CFAP20DC: variants seen among roughly 807,000 people sequenced by gnomAD.
CFAP20DC encodes the protein CFAP20 domain containing.
In CFAP20DC, 84 loss-of-function variants were observed where a neutral mutation model predicts 101.7. That is an observed-to-expected ratio of 0.83 (90% CI 0.69 to 0.99). The LOEUF (loss-of-function observed/expected upper bound fraction) is 0.99, where lower values mean the gene tolerates loss of function less well. Ranked by LOEUF, CFAP20DC falls within the 50% of genes least tolerant of loss-of-function variation. The pLI, the probability that CFAP20DC is intolerant of heterozygous loss-of-function variation, is 0.00. For synonymous variants in CFAP20DC, 359 were observed against 351.2 expected (o/e 1.02, Z -0.25); for missense variants, 1,007 against 970.3 (o/e 1.04, Z -0.50).
intron 15 of CFAP20DC, among the ~76,000 whole-genome samples, chr3:58,771,753 G>C (rs1327273181): frequency 6.6e-6 from 1 of 152,066 alleles, no homozygotes; most frequent in African/African-American, 2.4e-5. Context: ...AACAATCCCT[G>C]TCTTCCATTA....
At chr3:58,862,768 A>G (rs2079356071) in intron 12 of CFAP20DC, 1 of 977,428 alleles carries the variant, frequency 1.0e-6, no homozygotes, top group South Asian at 4.7e-5. Flanking sequence ...CACTAACCCT[A>G]AAGTTGTTCG....
chr3:58,822,220 CAT>C, intron 14 of CFAP20DC, among the ~76,000 whole-genome samples: 1 of 148,980 alleles, frequency 6.7e-6, no homozygotes, highest in African/African-American at 2.5e-5. Flanking sequence ...GGGTGCAGCA[CAT>C]CAGCATGGCA....
intron 7 of CFAP20DC, among the ~76,000 whole-genome samples, chr3:58,875,579 A>G (rs2080680187): frequency 6.6e-6 from 1 of 152,130 alleles, no homozygotes; most frequent in Admixed American, 6.5e-5. Flanking sequence ...TTCTGTTCAA[A>G]TATTTTACAA....
chr3:59,001,038 T>TA lies in CFAP20DC; in HGVS notation c.278+38518dup, dbSNP rs200552144. 2.0e-5 allele frequency among the ~76,000 whole-genome samples: 3 copies of TA among 151,504 alleles called. No homozygotes were observed. Among genetic ancestry groups the TA allele is most frequent in the Non-Finnish European group, 1.5e-5 (1 of 67,852 alleles). ...ATTAACTTATTAATTCCAAGAAGCT[T>TA]AAAAAAAATTAAATGTTACTAAAAT... On this transcript the variant is annotated intron_variant, in intron 4 of 16. Transcript: ENST00000482387. The surrounding 1 kb of genome is among the most constrained non-coding windows in gnomAD (Gnocchi z 4.5).
intron 6 of CFAP20DC, among the ~76,000 whole-genome samples, chr3:58,895,987 C>T (rs2082640632): frequency 6.6e-6 from 1 of 152,166 alleles, no homozygotes; most frequent in Non-Finnish European, 1.5e-5. Context: ...TACCTCCTAC[C>T]AGATCCATCC....
chr3:58,890,762 A>C (rs1346555094), intron 6 of CFAP20DC, among the ~76,000 whole-genome samples: 1 of 149,220 alleles, frequency 6.7e-6, no homozygotes, highest in African/African-American at 2.5e-5. Flanking sequence ...GCGGCCGGGC[A>C]GAGGCGCTCC....
At chr3:59,037,961 T>C (rs554458264) in intron 4 of CFAP20DC, among the ~76,000 whole-genome samples, 6 of 152,138 alleles carry the variant, frequency 3.9e-5, no homozygotes, top group Non-Finnish European at 5.9e-5. Flanking sequence ...AGAGGATGAG[T>C]TCATGTCCTT....
chr3:59,007,625 C>T lies in CFAP20DC; in HGVS notation c.278+31932G>A, dbSNP rs954584949. 6.6e-6 allele frequency among the ~76,000 whole-genome samples: 1 copy of T among 152,210 alleles called. No homozygotes were observed. The highest frequency in any genetic ancestry group is 6.5e-5 in the Admixed American group (1 of 15,290). Reference sequence around the variant, plus strand: ...TCACAGAGCCTACATCACTGCCGTGCTACCTCCACCAGAGCAGGTGCTGGT... The same window carrying T: ...TCACAGAGCCTACATCACTGCCGTGTTACCTCCACCAGAGCAGGTGCTGGT... On this transcript the variant is annotated intron_variant, in intron 4 of 16. Coordinates refer to ENST00000482387, the MANE Select transcript of CFAP20DC (RefSeq NM_001394063.1). This position sits in a 1 kb window ranked among gnomAD's most constrained non-coding sequence, Gnocchi z 4.4.
At chr3:58,879,345 T>A (rs2081044752) in intron 7 of CFAP20DC, among the ~76,000 whole-genome samples, 1 of 152,204 alleles carries the variant, frequency 6.6e-6, no homozygotes, top group African/African-American at 2.4e-5. Context: ...AAAGGGTGAT[T>A]ATGATGGTAT....
At chr3:58,930,672 T>C (rs949745279) in intron 5 of CFAP20DC, among the ~76,000 whole-genome samples, 8 of 152,228 alleles carry the variant, frequency 5.3e-5, no homozygotes, top group Non-Finnish European at 1.0e-4. Flanking sequence ...CCTCAAAATA[T>C]TGTTTTGTTT....
Position 58,835,955 on chromosome 3 carries a change from T to A in CFAP20DC, c.1972-4066A>T, listed in dbSNP as rs2076708424. Among the ~76,000 whole-genome samples, 2 of 152,192 alleles carry A rather than the reference T, an allele frequency of 1.3e-5. 1 individual carries two copies. The highest frequency in any genetic ancestry group is 4.8e-5 in the African/African-American group (2 of 41,438). ...AAATGTTATGTATAATTCAATTTCATCTCAAAATATCCTTGTAGGAAAGAG... is the reference window on the plus strand; with the variant it reads ...AAATGTTATGTATAATTCAATTTCAACTCAAAATATCCTTGTAGGAAAGAG... On this transcript the variant is annotated intron_variant, in intron 13 of 16. Coordinates refer to ENST00000482387, the MANE Select transcript of CFAP20DC (RefSeq NM_001394063.1).
At chr3:58,888,890 C>T (rs376461504) in intron 6 of CFAP20DC, among the ~76,000 whole-genome samples, 195 of 152,252 alleles carry the variant, frequency 1.3e-3, no homozygotes, top group African/African-American at 4.4e-3. Flanking sequence ...GGAATCACCA[C>T]GCTGTCTTCC....
chr3:58,778,959 G>A (rs1372158884), intron 15 of CFAP20DC, among the ~76,000 whole-genome samples: 1 of 152,126 alleles, frequency 6.6e-6, no homozygotes, highest in African/African-American at 2.4e-5. Context: ...ACATATTCAG[G>A]AAAAATTTCT....
At chr3:58,726,465 T>C (rs1204792758) in intron 3 of CFAP20DC, 1 of 155,336 alleles carries the variant, frequency 6.4e-6, no homozygotes, top group Non-Finnish European at 1.4e-5. Context: ...TAAAGTGTTC[T>C]GCAGGACCTC....
intron 15 of CFAP20DC, among the ~76,000 whole-genome samples, chr3:58,758,174 T>A (rs1362428369): frequency 6.6e-6 from 1 of 152,194 alleles, no homozygotes; most frequent in South Asian, 2.1e-4. Flanking sequence ...TTTTACTTTA[T>A]GTATGTTTAA....
Position 58,893,124 on chromosome 3 carries a change from ATC to A in CFAP20DC, c.551-8417_551-8416del, listed in dbSNP as rs377279996. 3.1e-3 allele frequency among the ~76,000 whole-genome samples: 467 copies of A among 151,540 alleles called. 3 individuals are homozygous for A. The highest frequency in any genetic ancestry group is 0.011 in the African/African-American group (456 of 41,232). On this transcript the variant is annotated intron_variant, in intron 6 of 16. Coordinates refer to ENST00000482387, the MANE Select transcript of CFAP20DC (RefSeq NM_001394063.1). ...AGTGGTGCAATCTCAGCTCACTGCAATCTCTGCCTCCCGGGTTCATGCCATTC... is the reference window on the plus strand; with the variant it reads ...AGTGGTGCAATCTCAGCTCACTGCAATCTGCCTCCCGGGTTCATGCCATTC...
chr3:58,999,729 C>A (rs112569749), intron 4 of CFAP20DC, among the ~76,000 whole-genome samples: 2,972 of 151,350 alleles, frequency 0.02, 46 homozygotes, highest in Middle Eastern at 0.052. Context: ...AGTTTCAACT[C>A]TGAAAATTTA....
At chr3:58,762,864 C>G (rs546490052) in intron 15 of CFAP20DC, among the ~76,000 whole-genome samples, 2 of 152,222 alleles carry the variant, frequency 1.3e-5, no homozygotes, top group South Asian at 4.2e-4. Context: ...TGAATATTGG[C>G]CCCCACTCTC....
intron 6 of CFAP20DC, among the ~76,000 whole-genome samples, chr3:58,910,780 T>C (rs1484601682): frequency 6.6e-6 from 1 of 152,130 alleles, no homozygotes; most frequent in Non-Finnish European, 1.5e-5. Flanking sequence ...TTTGCACTTA[T>C]TTCTCTTATT....
Sources: allele counts gnomAD v4.1 joint callset (sites outside exome capture counted in the v4.1 genomes callset), GRCh38; gene constraint gnomAD v4.1.1; non-coding constraint Gnocchi (gnomAD v3.1); transcripts MANE v1.5; gene names NCBI Gene and HGNC (gene_info 2026-07-23, HGNC 2026-07-21).